The following MGAT4C variants were observed in gnomAD, a reference collection of about 807,000 sequenced individuals.
MGAT4C encodes the protein alpha-1,3-mannosyl-glycoprotein 4-beta-N-acetylglucosaminyltransferase C.
Under a neutral mutation model 40.1 loss-of-function variants are expected in MGAT4C, and 19 were observed. The ratio of observed to expected loss-of-function variants is 0.47; its 90% CI spans 0.33 to 0.70. The LOEUF is 0.70. Among genes scored for constraint, MGAT4C ranks in the 30% least tolerant of loss-of-function variants. The pLI is 0.02. For missense variants in MGAT4C, 491 were observed against 563.2 expected (o/e 0.87, Z 1.30); for synonymous variants, 181 against 187.1 (o/e 0.97, Z 0.27).
In MGAT4C at chr12:86,436,165, G is replaced by A. The variant is rs371910348; in HGVS notation, c.-228-900C>T. On this transcript the variant is annotated intron_variant, in intron 2 of 7. Coordinates refer to the MGAT4C transcript ENST00000548651. ...AAAATATGAATTAACTGGATGGAGA[G>A]ATTTTTTCTTTTTGCATTTTTATAT... 1.1e-4 allele frequency among the ~76,000 whole-genome samples: 16 copies of A among 151,852 alleles called. No homozygotes were observed. The East Asian group carries it at 2.3e-3, about 22-fold the overall frequency.
Position 86,116,298 on chromosome 12 carries a change from T to C in MGAT4C, c.-56-66575A>G, listed in dbSNP as rs145688605. Among the ~76,000 whole-genome samples the C allele has an allele frequency of 5.3e-3, 803 of 151,970 alleles. 7 individuals carry two copies. The highest frequency in any genetic ancestry group is 0.018 in the African/African-American group (767 of 41,466). ...GGCACTCTGACTTCTCTATGAACAA[T>C]AAAGTATAGGCGAAAGTATTATCAG... On this transcript the variant is annotated intron_variant, in intron 1 of 4. Coordinates refer to ENST00000611864, the MANE Select transcript of MGAT4C (RefSeq NM_001351288.2).
intron 1 of MGAT4C, among the ~76,000 whole-genome samples, chr12:86,125,475 C>G (rs1192978799): frequency 6.6e-6 from 1 of 151,998 alleles, no homozygotes. Context: ...CCATTTTTTC[C>G]CTTCTTGACT....
intron 1 of MGAT4C, among the ~76,000 whole-genome samples, chr12:86,166,465 A>T (rs1298432916): frequency 6.6e-6 from 1 of 152,188 alleles, no homozygotes; most frequent in Non-Finnish European, 1.5e-5. Flanking sequence ...TGATGCCAGG[A>T]ATTTGAGACC....
At chr12:86,425,110 C>T (rs1956901360) in intron 3 of MGAT4C, among the ~76,000 whole-genome samples, 1 of 152,056 alleles carries the variant, frequency 6.6e-6, no homozygotes, top group Non-Finnish European at 1.5e-5. Flanking sequence ...TTCAAATTCC[C>T]ATACTCATTA....
At chr12:86,001,520 G>A (rs1297384148) in intron 2 of MGAT4C, 1 of 537,092 alleles carries the variant, frequency 1.9e-6, no homozygotes, top group Non-Finnish European at 2.4e-6. Flanking sequence ...TTCACTTCTG[G>A]TTGATTGATG....
At chr12:86,664,230 TTC>T (rs2136553291) in intron 2 of MGAT4C, among the ~76,000 whole-genome samples, 1 of 152,124 alleles carries the variant, frequency 6.6e-6, no homozygotes. Context: ...CATTTTTTCT[TTC>T]TCTTTTATAC....
At chr12:86,623,410 T>A (rs1032502965) in intron 2 of MGAT4C, among the ~76,000 whole-genome samples, 3 of 152,094 alleles carry the variant, frequency 2.0e-5, no homozygotes, top group African/African-American at 7.2e-5. Flanking sequence ...TTAAAACGGG[T>A]TATATTTACA....
intron 2 of MGAT4C, among the ~76,000 whole-genome samples, chr12:86,008,105 G>A (rs1888083823): frequency 1.3e-5 from 2 of 151,978 alleles, no homozygotes; most frequent in South Asian, 4.2e-4. Flanking sequence ...CATTACTATG[G>A]AAGTTTTATC....
intron 2 of MGAT4C, among the ~76,000 whole-genome samples, chr12:86,440,866 C>T (rs1052863395): frequency 2.0e-5 from 3 of 151,920 alleles, no homozygotes; most frequent in African/African-American, 4.8e-5. Context: ...AACTCAATCC[C>T]TTTTACAATA....
At position 86,146,561 on chromosome 12, in the gene MGAT4C, C is replaced by G. The variant is rs143282210; in HGVS notation, c.-56-96838G>C. On this transcript the variant is annotated intron_variant, in intron 1 of 4. Coordinates refer to ENST00000611864, the MANE Select transcript of MGAT4C (RefSeq NM_001351288.2). ...GTTCTCTTATTCTATTTAAATCTCT[C>G]TAAGAACTGGGAAGTTATCCGATCT... Among the ~76,000 whole-genome samples the G allele has an allele frequency of 3.5e-3, 530 of 152,172 alleles. 3 individuals carry two copies. Among genetic ancestry groups the G allele is most frequent in the African/African-American group, 0.012 (509 of 41,570 alleles).
intron 2 of MGAT4C, among the ~76,000 whole-genome samples, chr12:86,531,701 T>C (rs187128631): frequency 6.6e-6 from 1 of 152,060 alleles, no homozygotes; most frequent in Admixed American, 6.6e-5. Flanking sequence ...TATTTTATTA[T>C]TTTATTTCAT....
At chr12:86,366,331 G>C (rs568504721) in intron 3 of MGAT4C, among the ~76,000 whole-genome samples, 1 of 152,186 alleles carries the variant, frequency 6.6e-6, no homozygotes, top group Non-Finnish European at 1.5e-5. Flanking sequence ...TCATTAAAGA[G>C]AGAAATTTTG....
intron 2 of MGAT4C, among the ~76,000 whole-genome samples, chr12:86,517,758 G>C (rs896863920): frequency 6.6e-6 from 1 of 152,126 alleles, no homozygotes; most frequent in African/African-American, 2.4e-5. Context: ...CCATTCTCCT[G>C]CCTCAGCCTC....
At chr12:86,267,563 C>T (rs1409983391) in intron 4 of MGAT4C, among the ~76,000 whole-genome samples, 1 of 152,094 alleles carries the variant, frequency 6.6e-6, no homozygotes, top group African/African-American at 2.4e-5. Flanking sequence ...CTGTATAGTT[C>T]AGAGCTGTCT....
chr12:86,632,527 C>A (rs1251661022), intron 2 of MGAT4C, among the ~76,000 whole-genome samples: 2 of 152,012 alleles, frequency 1.3e-5, no homozygotes, highest in South Asian at 4.1e-4. Flanking sequence ...CAATGATAGA[C>A]TGGATTAAGA....
rs376767129 is a variant in MGAT4C at position 86,684,718 on chromosome 12, G to A, written c.-229+42491C>T. Among the ~76,000 whole-genome samples the A allele has an allele frequency of 3.2e-4, 48 of 151,672 alleles. No individual in the cohort carries two copies. The East Asian group carries it at 4.8e-3, about 15-fold the overall frequency. ...GTTGTTTCCTGACTTTTTAATGATC[G>A]CCATTCTAACTGGCATGAGATGGTA... is the stretch of plus-strand genomic sequence containing the variant. On this transcript the variant is annotated intron_variant, in intron 2 of 7. Transcript: ENST00000548651.
chr12:85,994,460 A>C (rs543233462), intron 2 of MGAT4C, among the ~76,000 whole-genome samples: 1 of 152,196 alleles, frequency 6.6e-6, no homozygotes, highest in Non-Finnish European at 1.5e-5. Context: ...AAAGATCAAA[A>C]GACAGAACAA....
At chr12:86,054,342 C>T (rs1328837082) in intron 1 of MGAT4C, among the ~76,000 whole-genome samples, 1 of 151,892 alleles carries the variant, frequency 6.6e-6, no homozygotes, top group African/African-American at 2.4e-5. Context: ...CACATGTTCT[C>T]ACTAGTATGT....
At chr12:86,201,176 T>A (rs1186835552) in intron 1 of MGAT4C, among the ~76,000 whole-genome samples, 1 of 152,204 alleles carries the variant, frequency 6.6e-6, no homozygotes, top group African/African-American at 2.4e-5. Flanking sequence ...ATTTCCCCTA[T>A]TTTTTCTTCT....
Sources: gnomAD v4.1 joint callset for allele counts (sites outside exome capture counted in the v4.1 genomes callset) on GRCh38, gnomAD v4.1.1 for gene constraint, MANE v1.5 for transcripts, NCBI Gene and HGNC (gene_info 2026-07-23, HGNC 2026-07-21) for gene names.